The following PLCB4 variants were observed in gnomAD, a reference collection of about 807,000 sequenced individuals.
PLCB4 encodes the protein phospholipase C beta 4, also known as 1-phosphatidylinositol 4,5-bisphosphate phosphodiesterase beta-4.
In PLCB4, 77 loss-of-function variants were observed where a neutral mutation model predicts 178.8. The observed-to-expected ratio is 0.43, with a 90% CI of 0.36 to 0.52. PLCB4 has a LOEUF of 0.52. Among genes scored for constraint, PLCB4 ranks in the 20% least tolerant of loss-of-function variants. PLCB4 has a pLI of 0.00. For missense variants in PLCB4, 1,024 were observed against 1,453.4 expected (o/e 0.70, Z 4.80); for synonymous variants, 496 against 490.8 (o/e 1.01, Z -0.14).
intron 2 of PLCB4, among the ~76,000 whole-genome samples, chr20:9,170,165 A>G (rs2093040205): frequency 6.6e-6 from 1 of 152,122 alleles, no homozygotes. Context: ...AGTCTCTCCA[A>G]AGAAGGATTT....
intron 2 of PLCB4, among the ~76,000 whole-genome samples, chr20:9,102,662 A>G (rs139568313): frequency 2.0e-5 from 3 of 152,348 alleles, no homozygotes; most frequent in Non-Finnish European, 2.9e-5. Context: ...ATAAACAGAA[A>G]TAACTACTTA....
At chr20:9,358,558 T>C (rs1322510189) in intron 7 of PLCB4, among the ~76,000 whole-genome samples, 1 of 152,186 alleles carries the variant, frequency 6.6e-6, no homozygotes, top group Non-Finnish European at 1.5e-5. Flanking sequence ...GGACTAGTTA[T>C]TTTAGGATGA....
At chr20:9,229,979 A>C (rs569539900) in intron 3 of PLCB4, among the ~76,000 whole-genome samples, 1 of 152,276 alleles carries the variant, frequency 6.6e-6, no homozygotes, top group African/African-American at 2.4e-5. Flanking sequence ...ATGAACTAGG[A>C]CTGATAACAA....
At chr20:9,128,210 C>G (rs1166342889) in intron 2 of PLCB4, among the ~76,000 whole-genome samples, 3 of 152,040 alleles carry the variant, frequency 2.0e-5, no homozygotes, top group Non-Finnish European at 4.4e-5. Context: ...CCTCTTCTCT[C>G]TCTCTCAGTC....
intron 4 of PLCB4, among the ~76,000 whole-genome samples, chr20:9,320,552 C>T (rs551890124): frequency 6.6e-6 from 1 of 152,168 alleles, no homozygotes; most frequent in African/African-American, 2.4e-5. Context: ...GTCTCAGCCT[C>T]GTTTTACCCA....
Position 9,423,800 on chromosome 20 carries a change from A to T in PLCB4, c.2372A>T (p.Asn791Ile). The T allele has an allele frequency of 6.2e-7, 1 of 1,614,028 alleles. No individual in the cohort carries two copies. The highest frequency in any genetic ancestry group is 8.5e-7 in the Non-Finnish European group (1 of 1,179,980). The change falls in exon 28 of 40, where the codon AAC becomes ATC. Residue 791 changes from asparagine to isoleucine, a missense_variant. Physicochemically the swap from Asn to Ile is moderately radical, Grantham distance 149. Transcript: ENST00000378473. The part of the protein sequence containing the change: ...VLRIAVYDDN[N>I]KLIGQRILPL... ...AGAATAGCTGTGTATGATGATAACA[A>T]CAAGCTGATTGGCCAGAGGATCCTC...
intron 4 of PLCB4, among the ~76,000 whole-genome samples, chr20:9,325,364 G>C (rs746741267): frequency 2.8e-4 from 43 of 152,070 alleles, no homozygotes; most frequent in Non-Finnish European, 4.0e-4. Context: ...CAGTTTTCCT[G>C]CCCAAGAAAG....
At chr20:9,323,581 A>G (rs1186030187) in intron 4 of PLCB4, among the ~76,000 whole-genome samples, 14 of 152,324 alleles carry the variant, frequency 9.2e-5, no homozygotes, top group South Asian at 6.2e-4. Context: ...TAAAGCCCCA[A>G]AGAACTGGAA....
At chr20:9,330,643 A>T (rs1460922145) in intron 4 of PLCB4, among the ~76,000 whole-genome samples, 1 of 152,240 alleles carries the variant, frequency 6.6e-6, no homozygotes, top group Non-Finnish European at 1.5e-5. Context: ...CGCATTGGCC[A>T]ATATGGTAAC....
intron 4 of PLCB4, among the ~76,000 whole-genome samples, chr20:9,312,092 A>C (rs1346903195): frequency 6.6e-6 from 1 of 152,094 alleles, no homozygotes; most frequent in Non-Finnish European, 1.5e-5. Context: ...AAGCATTCTC[A>C]GTGCATTCCG....
intron 2 of PLCB4, among the ~76,000 whole-genome samples, chr20:9,136,556 G>A (rs2092387718): frequency 6.6e-6 from 1 of 152,026 alleles, no homozygotes; most frequent in Non-Finnish European, 1.5e-5. Context: ...TACAAAAGAG[G>A]GTTTCAGTTC....
intron 25 of PLCB4, among the ~76,000 whole-genome samples, chr20:9,411,378 ACAGGTAATAATCCCTG>A (rs1243384099): frequency 2.0e-5 from 3 of 152,170 alleles, no homozygotes; most frequent in African/African-American, 7.2e-5. Flanking sequence ...TATGTCTGGG[ACAGGTAATAATCCCTG>A]CACACTTGGA....
chr20:9,307,720 C>A, intron 3 of PLCB4, 80 bp from the exon 4 acceptor site: 1 of 576,524 alleles, frequency 1.7e-6, no homozygotes, highest in Non-Finnish European at 3.0e-6. Context: ...CTTCTGCAAA[C>A]ACAGAAATGC....
At chr20:9,396,500 T>C (rs916849450) in intron 19 of PLCB4, among the ~76,000 whole-genome samples, 1 of 152,250 alleles carries the variant, frequency 6.6e-6, no homozygotes, top group Non-Finnish European at 1.5e-5. Flanking sequence ...TCTTTTACTT[T>C]GATCACATAG....
intron 19 of PLCB4, among the ~76,000 whole-genome samples, chr20:9,398,863 T>A (rs2038809829): frequency 1.3e-5 from 2 of 152,182 alleles, no homozygotes; most frequent in South Asian, 4.1e-4. Context: ...ATTTTGCACA[T>A]GATCCCACAG....
chr20:9,140,590 A>G (rs2092468968), intron 2 of PLCB4, among the ~76,000 whole-genome samples: 1 of 150,450 alleles, frequency 6.6e-6, no homozygotes, highest in African/African-American at 2.4e-5. Context: ...ATCGCTCATG[A>G]CTGTCTCGGT....
At chr20:9,186,416 G>A (rs1412724589) in intron 2 of PLCB4, among the ~76,000 whole-genome samples, 1 of 152,098 alleles carries the variant, frequency 6.6e-6, no homozygotes. Context: ...ATTGGCACGA[G>A]GCTCTTTTCA....
chr20:9,225,348 G>T (rs1200967202), intron 3 of PLCB4, among the ~76,000 whole-genome samples: 1 of 152,094 alleles, frequency 6.6e-6, no homozygotes. Flanking sequence ...AATGCTTAAG[G>T]CTTGTCTTGG....
At chr20:9,374,935 A>G (rs1465440756) in intron 12 of PLCB4, among the ~76,000 whole-genome samples, 7 of 151,878 alleles carry the variant, frequency 4.6e-5, no homozygotes, top group African/African-American at 1.5e-4. Context: ...CTTTTTTTTA[A>G]TAGTGTTTCC....
Sources: allele counts gnomAD v4.1 joint callset (sites outside exome capture counted in the v4.1 genomes callset), GRCh38; gene constraint gnomAD v4.1.1; transcripts MANE v1.5; gene names NCBI Gene and HGNC (gene_info 2026-07-23, HGNC 2026-07-21).